Variants in MYLK observed in about 807,000 individuals in gnomAD.
MYLK encodes the protein myosin light chain kinase, smooth muscle.
Under a neutral mutation model 203.4 loss-of-function variants are expected in MYLK, and 106 were observed. The observed-to-expected ratio is 0.52, with a 90% confidence interval of 0.45 to 0.61. The LOEUF (loss-of-function observed/expected upper bound fraction) is 0.61, where lower values mean the gene tolerates loss of function less well. Among genes scored for constraint, MYLK ranks in the 20% least tolerant of loss-of-function variants. The pLI is 0.00. For synonymous variants in MYLK, 867 were observed against 959.5 expected, an observed-to-expected ratio of 0.90 and a Z score of 1.78; for missense variants, 2,072 against 2,442.3, an observed-to-expected ratio of 0.85 and a Z score of 3.20.
chr3:123,875,560 C>T (rs951262957), intron 2 of MYLK, among the ~76,000 whole-genome samples: 7 of 152,146 alleles, frequency 4.6e-5, no homozygotes, highest in Admixed American at 3.9e-4. Context: ...ACTATATATA[C>T]ATTTGTCAAA....
intron 30 of MYLK, among the ~76,000 whole-genome samples, chr3:123,627,551 T>C (rs1386240174): frequency 6.6e-6 from 1 of 152,214 alleles, no homozygotes; most frequent in Non-Finnish European, 1.5e-5. Context: ...AGAAACATTT[T>C]AGAGCCATTG....
Position 123,733,786 on chromosome 3 carries a change from G to T in MYLK, c.1210C>A (p.Pro404Thr), listed in dbSNP as rs751134054. 1 of 1,614,176 alleles carries T rather than the reference G, an allele frequency of 6.2e-7. No individual in the cohort carries two copies. Among genetic ancestry groups the T allele is most frequent in the South Asian group, 1.1e-5 (1 of 91,084 alleles). The part of the protein sequence containing the change: ...VVSKAANRRI[P>T]MEGQRDSAFP... ...GCTGAATCCCTCTGGCCCTCCATGG[G>T]GATTCTCCTGTTAGCAGCCTTGCTC... The change falls in exon 10 of 34, where the codon CCC (proline) becomes ACC (threonine). Residue 404 changes from proline (P) to threonine (T), a missense_variant. Physicochemically the swap from Pro to Thr is conservative, Grantham distance 38 (BLOSUM62 -1). Coordinates refer to ENST00000360304, the MANE Select transcript of MYLK (RefSeq NM_053025.4).
rs1396575268 is a variant in MYLK at position 123,620,356 on chromosome 3, G to A, written c.5239-20C>T. The stretch of plus-strand genomic sequence containing the variant: ...CGTTTTCTGGAAAATAGACACGAGG[G>A]TTGGACTCAGGCGTTGTCCCTGGTT... On this transcript the variant is annotated intron_variant, in intron 31 of 33. Transcript: ENST00000360304. 1.2e-6 allele frequency: 2 copies of A among 1,614,016 alleles called. No individual in the cohort carries two copies. Among genetic ancestry groups the A allele is most frequent in the Non-Finnish European group, 1.7e-6 (2 of 1,179,960 alleles).
chr3:123,715,315 G>T (rs369669262), intron 13 of MYLK, among the ~76,000 whole-genome samples: 79 of 152,312 alleles, frequency 5.2e-4, no homozygotes, highest in African/African-American at 1.8e-3. Flanking sequence ...TGCTGCTGCT[G>T]ATCACCTGGA....
intron 33 of MYLK, chr3:123,617,759 GTCTTA>G (rs1185391751): frequency 1.3e-5 from 2 of 152,226 alleles, no homozygotes; most frequent in African/African-American, 4.8e-5. Flanking sequence ...CAAAGAGCCT[GTCTTA>G]TCTTGTCCCT....
intron 13 of MYLK, among the ~76,000 whole-genome samples, chr3:123,712,194 G>A (rs1421504486): frequency 6.6e-6 from 1 of 152,250 alleles, no homozygotes; most frequent in African/African-American, 2.4e-5. Flanking sequence ...GAAGCTCTGG[G>A]AGTGGGCTTG....
At chr3:123,701,553 G>C in intron 16 of MYLK, 44 bp from the exon 17 acceptor site, 1 of 1,584,376 alleles carries the variant, frequency 6.3e-7, no homozygotes, top group Non-Finnish European at 8.7e-7. Flanking sequence ...GGCCCTCTGG[G>C]CAAAGGGCCT....
At chr3:123,798,446 C>T (rs1414861190) in intron 3 of MYLK, among the ~76,000 whole-genome samples, 1 of 152,140 alleles carries the variant, frequency 6.6e-6, no homozygotes, top group Non-Finnish European at 1.5e-5. Flanking sequence ...TCTACCTTTG[C>T]TTTCAGGGGA....
intron 16 of MYLK, among the ~76,000 whole-genome samples, chr3:123,703,207 T>C (rs1824059): frequency 0.081 from 12,351 of 152,214 alleles, 1,426 homozygotes; most frequent in East Asian, 0.49. Flanking sequence ...TGGTAGCCCA[T>C]GGCCTGGCCC....
intron 3 of MYLK, among the ~76,000 whole-genome samples, chr3:123,811,208 C>T (rs533091728): frequency 6.6e-6 from 1 of 152,284 alleles, no homozygotes; most frequent in African/African-American, 2.4e-5. Flanking sequence ...CCCTCTCAAC[C>T]CTTTCTGAAA....
At chr3:123,694,074 A>G (rs917960261) in intron 18 of MYLK, among the ~76,000 whole-genome samples, 2 of 152,226 alleles carry the variant, frequency 1.3e-5, no homozygotes, top group Non-Finnish European at 2.9e-5. Context: ...AGGAGATTAG[A>G]AAGAGTAAGG....
chr3:123,631,374 G>T (rs1361941190), intron 29 of MYLK, among the ~76,000 whole-genome samples: 1 of 147,944 alleles, frequency 6.8e-6, no homozygotes, highest in African/African-American at 2.6e-5. Context: ...CTCCAACCTG[G>T]GCAACAAGCG....
At chr3:123,798,021 G>A (rs984656301) in intron 3 of MYLK, among the ~76,000 whole-genome samples, 1 of 152,214 alleles carries the variant, frequency 6.6e-6, no homozygotes, top group African/African-American at 2.4e-5. Context: ...GGAAGGTGGG[G>A]AGGAGGGCCT....
At chr3:123,662,030 C>A (rs947423246) in intron 23 of MYLK, among the ~76,000 whole-genome samples, 1 of 152,156 alleles carries the variant, frequency 6.6e-6, no homozygotes, top group Non-Finnish European at 1.5e-5. Context: ...TCTTCTTCCC[C>A]AGCTGCTTAG....
Position 123,740,002 on chromosome 3 carries a change from C to G in MYLK, c.374-1G>C. 6.2e-7 allele frequency: 1 copy of G among 1,613,854 alleles called. No homozygotes were observed. Among genetic ancestry groups the G allele is most frequent in the Non-Finnish European group, 8.5e-7 (1 of 1,179,786 alleles). On this transcript the variant is annotated splice_acceptor_variant, in intron 5 of 33. Transcript: ENST00000360304. LOFTEE classifies it high-confidence loss of function. ...TGACCAAGCTGCTTCGCAAAACTTC[C>G]TGCAAGAAAAAGAGTTGATGAGTCA...
At chr3:123,718,044 T>C (rs2061962770) in intron 13 of MYLK, among the ~76,000 whole-genome samples, 1 of 152,096 alleles carries the variant, frequency 6.6e-6, no homozygotes, top group Non-Finnish European at 1.5e-5. Context: ...GTGTTTTTTG[T>C]GGAGACGGTG....
intron 2 of MYLK, among the ~76,000 whole-genome samples, chr3:123,876,045 A>G (rs1281792464): frequency 6.6e-6 from 1 of 152,180 alleles, no homozygotes; most frequent in East Asian, 1.9e-4. Context: ...GTCAATCCTA[A>G]AGGTGCCAAA....
chr3:123,833,137 G>A (rs1328094548), intron 2 of MYLK, among the ~76,000 whole-genome samples: 1 of 152,104 alleles, frequency 6.6e-6, no homozygotes, highest in East Asian at 1.9e-4. Context: ...TCAGCAGAAA[G>A]TTCATTTCAG....
intron 19 of MYLK, among the ~76,000 whole-genome samples, chr3:123,686,566 T>A (rs191614670): frequency 2.6e-5 from 4 of 152,232 alleles, no homozygotes; most frequent in Admixed American, 2.6e-4. Flanking sequence ...TCTGACTGAG[T>A]GCAAGCAGTG....
Sources: allele counts gnomAD v4.1 joint callset (sites outside exome capture counted in the v4.1 genomes callset), GRCh38; gene constraint gnomAD v4.1.1; transcripts MANE v1.5; gene names NCBI Gene and HGNC (gene_info 2026-07-23, HGNC 2026-07-21).